The following GSK3B variants were observed in gnomAD, a reference collection of about 807,000 sequenced individuals.
GSK3B encodes glycogen synthase kinase 3 beta.
In GSK3B, 15 loss-of-function variants were observed where a neutral mutation model predicts 56.4. That is an observed-to-expected ratio of 0.27 (90% CI 0.18 to 0.41). GSK3B has a LOEUF of 0.41. Ranked by LOEUF, GSK3B falls within the 10% of genes least tolerant of loss-of-function variation. The pLI is 1.00. For synonymous variants in GSK3B, 181 were observed against 188.9 expected (o/e 0.96, Z 0.34); for missense variants, 300 against 513.4 (o/e 0.58, Z 4.02).
chr3:120,063,692 C>T (rs1369548292), intron 1 of GSK3B, among the ~76,000 whole-genome samples: 2 of 143,754 alleles, frequency 1.4e-5, no homozygotes, highest in African/African-American at 5.3e-5. Flanking sequence ...CGTGCCATTA[C>T]ACTGCAGCCT....
At chr3:119,828,068 C>A (rs188531991) in intron 10 of GSK3B, among the ~76,000 whole-genome samples, 1 of 152,112 alleles carries the variant, frequency 6.6e-6, no homozygotes, top group Non-Finnish European at 1.5e-5. Context: ...CAAAATATCT[C>A]AGGTAACCCA....
At chr3:120,004,184 T>C (rs72969142) in intron 1 of GSK3B, among the ~76,000 whole-genome samples, 1,849 of 152,264 alleles carry the variant, frequency 0.012, 33 homozygotes, top group African/African-American at 0.042. Flanking sequence ...TGTGGGAGCT[T>C]GGTGGGGGGA....
At chr3:119,863,932 A>C (rs2056143055) in intron 8 of GSK3B, among the ~76,000 whole-genome samples, 1 of 152,212 alleles carries the variant, frequency 6.6e-6, no homozygotes, top group Non-Finnish European at 1.5e-5. Flanking sequence ...TTTAAATTTT[A>C]AAGTTTTCAC....
intron 9 of GSK3B, among the ~76,000 whole-genome samples, chr3:119,850,955 A>T (rs2055922384): frequency 6.6e-6 from 1 of 152,178 alleles, no homozygotes; most frequent in South Asian, 2.1e-4. Context: ...AGACTGTGTT[A>T]CCTAGAGACA....
chr3:119,928,603 T>G, intron 3 of GSK3B, among the ~76,000 whole-genome samples: 1 of 27,454 alleles, frequency 3.6e-5, no homozygotes, highest in Non-Finnish European at 6.6e-5. Flanking sequence ...AGACTCCATA[T>G]CAAAAAAATA....
intron 9 of GSK3B, among the ~76,000 whole-genome samples, chr3:119,855,749 T>A (rs1577318235): frequency 1.3e-5 from 2 of 151,862 alleles, no homozygotes; most frequent in African/African-American, 4.8e-5. Flanking sequence ...AAACACTGCA[T>A]GTTCTCACTC....
At chr3:119,833,714 T>TC (rs1553722261) in intron 10 of GSK3B, among the ~76,000 whole-genome samples, 6 of 147,170 alleles carry the variant, frequency 4.1e-5, no homozygotes, top group Non-Finnish European at 7.5e-5. Flanking sequence ...TTTTTTTTTT[T>TC]AGACAGGGTC....
At chr3:120,030,225 C>G (rs1001970081) in intron 1 of GSK3B, among the ~76,000 whole-genome samples, 1 of 152,166 alleles carries the variant, frequency 6.6e-6, no homozygotes, top group Non-Finnish European at 1.5e-5. Context: ...TAGGCTTGGT[C>G]CTAGACTCCC....
chr3:119,981,294 C>T (rs1424413788), intron 2 of GSK3B, among the ~76,000 whole-genome samples: 1 of 152,212 alleles, frequency 6.6e-6, no homozygotes, highest in Non-Finnish European at 1.5e-5. Flanking sequence ...CAGAAGACGG[C>T]TAATTTCTGT....
At chr3:120,004,270 A>C (rs73175880) in intron 1 of GSK3B, among the ~76,000 whole-genome samples, 13,005 of 152,296 alleles carry the variant, frequency 0.085, 690 homozygotes, top group Non-Finnish European at 0.11. Context: ...GGGAAGCTCA[A>C]ACTCGGCAGA....
Position 119,872,345 on chromosome 3 carries a change from T to C in GSK3B, c.909+4068A>G, listed in dbSNP as rs538010542. On this transcript the variant is annotated intron_variant, in intron 8 of 10. Transcript: ENST00000264235. ...GTGACTAAATAATCTGCCACCCAAATTGGGACCTTCCTGAGAGTGAAGAGG... is the reference window on the plus strand; with the variant it reads ...GTGACTAAATAATCTGCCACCCAAACTGGGACCTTCCTGAGAGTGAAGAGG... Among the ~76,000 whole-genome samples the C allele has an allele frequency of 8.5e-5, 13 of 152,230 alleles. 1 individual carries two copies. The South Asian group carries it at 2.3e-3, about 27-fold the overall frequency.
chr3:119,967,409 A>G (rs924441738), intron 2 of GSK3B, among the ~76,000 whole-genome samples: 1 of 152,158 alleles, frequency 6.6e-6, no homozygotes, highest in Admixed American at 6.5e-5. Context: ...GATATTGATA[A>G]GATAATCCTA....
chr3:119,830,323 T>C (rs2055579664), intron 10 of GSK3B, among the ~76,000 whole-genome samples: 1 of 152,242 alleles, frequency 6.6e-6, no homozygotes, highest in African/African-American at 2.4e-5. Flanking sequence ...TCTTGGCACA[T>C]GCTTATTTTG....
chr3:119,946,590 C>T (rs924207740), intron 3 of GSK3B, among the ~76,000 whole-genome samples: 1 of 152,138 alleles, frequency 6.6e-6, no homozygotes, highest in Non-Finnish European at 1.5e-5. Context: ...AGGATAGCGA[C>T]AGGCAGAAAA....
chr3:119,899,609 G>A (rs1405464075), intron 7 of GSK3B, among the ~76,000 whole-genome samples: 2 of 152,040 alleles, frequency 1.3e-5, no homozygotes. Context: ...CAAATTGAAA[G>A]CCTAGGAAAA....
At chr3:119,921,542 A>G (rs1232987118) in intron 4 of GSK3B, among the ~76,000 whole-genome samples, 2 of 152,208 alleles carry the variant, frequency 1.3e-5, no homozygotes, top group African/African-American at 2.4e-5. Flanking sequence ...TAGATGACCA[A>G]AGAACATACT....
At chr3:120,020,353 T>C (rs1263124807) in intron 1 of GSK3B, among the ~76,000 whole-genome samples, 2 of 152,234 alleles carry the variant, frequency 1.3e-5, no homozygotes, top group African/African-American at 2.4e-5. Context: ...TTATTGCACT[T>C]TGCAGAAATT....
chr3:119,833,472 A>C (rs73175830), intron 10 of GSK3B, among the ~76,000 whole-genome samples: 13,931 of 152,214 alleles, frequency 0.092, 789 homozygotes, highest in Non-Finnish European at 0.12. Flanking sequence ...GTAGCTGCTA[A>C]CTACATAAGG....
At chr3:120,078,370 C>G (rs1336865629) in intron 1 of GSK3B, among the ~76,000 whole-genome samples, 1 of 152,222 alleles carries the variant, frequency 6.6e-6, no homozygotes, top group Admixed American at 6.5e-5. Flanking sequence ...CACACAGTGC[C>G]GGAAGACAAT....
Sources: gnomAD v4.1 joint callset for allele counts (sites outside exome capture counted in the v4.1 genomes callset) on GRCh38, gnomAD v4.1.1 for gene constraint, MANE v1.5 for transcripts, NCBI Gene and HGNC (gene_info 2026-07-23, HGNC 2026-07-21) for gene names.